The following MAPK6 variants were observed in gnomAD, a reference collection of about 807,000 sequenced individuals.
MAPK6 encodes ERK-3.
Under a neutral mutation model 59.3 loss-of-function variants are expected in MAPK6, and 19 were observed. The ratio of observed to expected loss-of-function variants is 0.32; its 90% CI spans 0.22 to 0.47. The LOEUF (loss-of-function observed/expected upper bound fraction) is 0.47, where lower values mean the gene tolerates loss of function less well. Among genes scored for constraint, MAPK6 ranks in the 20% least tolerant of loss-of-function variants. MAPK6 has a pLI of 1.00. For synonymous variants in MAPK6, 316 were observed against 290.3 expected (o/e 1.09, Z -0.90); for missense variants, 724 against 847.9 (o/e 0.85, Z 1.81).
intron 2 of MAPK6, among the ~76,000 whole-genome samples, chr15:51,997,593 T>TC (rs2057228575): frequency 1.3e-5 from 2 of 149,062 alleles, no homozygotes; most frequent in Admixed American, 6.7e-5. Context: ...TTTCTTTCTT[T>TC]TTTTTTTTTT....
intron 1 of MAPK6, among the ~76,000 whole-genome samples, chr15:51,976,266 CAAAAAAA>C (rs774556505): frequency 2.2e-5 from 1 of 45,188 alleles, no homozygotes; most frequent in African/African-American, 7.6e-5. Flanking sequence ...ACTCCCATCT[CAAAAAAA>C]AAAAAAAAAA....
At chr15:52,049,921 ATTCTTT>A (rs2031723023) in intron 2 of MAPK6, 66 bp from the exon 3 acceptor site, 1 of 1,388,094 alleles carries the variant, frequency 7.2e-7, no homozygotes, top group Admixed American at 1.8e-5. Flanking sequence ...CAAATTAAGG[ATTCTTT>A]AATCAAGTTG....
intron 1 of MAPK6, among the ~76,000 whole-genome samples, chr15:51,979,246 GGAAA>G (rs971207896): frequency 1.1e-4 from 17 of 150,218 alleles, no homozygotes; most frequent in East Asian, 3.9e-4. Flanking sequence ...AAGGAAGGAA[GGAAA>G]GAAAGAGAAA....
intron 1 of MAPK6, among the ~76,000 whole-genome samples, chr15:52,025,661 G>T (rs2030742113): frequency 2.0e-5 from 3 of 152,140 alleles, no homozygotes; most frequent in African/African-American, 7.2e-5. Context: ...AATTAGCCGG[G>T]TGGCGGGCGC....
At chr15:51,976,321 A>G (rs544406586) in intron 1 of MAPK6, among the ~76,000 whole-genome samples, 2 of 151,680 alleles carry the variant, frequency 1.3e-5, no homozygotes, top group South Asian at 4.2e-4. Context: ...GGTACTAAAA[A>G]TTGAAAGCCA....
intron 3 of MAPK6, among the ~76,000 whole-genome samples, chr15:52,051,731 G>C (rs2031789083): frequency 6.6e-6 from 1 of 152,178 alleles, no homozygotes; most frequent in East Asian, 1.9e-4. Context: ...AAAATTAGCT[G>C]GGCATGGTGG....
intron 2 of MAPK6, among the ~76,000 whole-genome samples, chr15:51,984,020 T>A (rs1486018641): frequency 6.6e-6 from 1 of 150,902 alleles, no homozygotes; most frequent in East Asian, 1.9e-4. Flanking sequence ...GAAATTGATG[T>A]TAAGAAAGTA....
chr15:52,060,486 A>G (rs1333941387), intron 4 of MAPK6, among the ~76,000 whole-genome samples: 2 of 152,208 alleles, frequency 1.3e-5, no homozygotes, highest in Non-Finnish European at 2.9e-5. Context: ...TGAATTTGTA[A>G]TGAGCCAGAT....
At chr15:51,992,451 G>A (rs189481043) in intron 2 of MAPK6, among the ~76,000 whole-genome samples, 74 of 151,808 alleles carry the variant, frequency 4.9e-4, no homozygotes, top group Admixed American at 2.4e-3. Flanking sequence ...ACAGGTGCAC[G>A]CCACCACATC....
In MAPK6 at chr15:52,063,890, G is replaced by T; in HGVS notation, c.1068-12G>T. 1 of 1,531,380 alleles carries T rather than the reference G, an allele frequency of 6.5e-7. No homozygotes were observed. Among genetic ancestry groups the T allele is most frequent in the South Asian group, 1.3e-5 (1 of 76,324 alleles). 94.9% of individuals were successfully genotyped at this position (1,531,380 alleles called of 1,614,324 possible). On this transcript the variant is annotated splice_polypyrimidine_tract_variant and intron_variant, in intron 5 of 5. Transcript: ENST00000261845. ...ATACGTAGAATAACGCTAGTGTATTGATTTTTTTCAGGTATCATGATTGTC... is the reference window on the plus strand; with the variant it reads ...ATACGTAGAATAACGCTAGTGTATTTATTTTTTTCAGGTATCATGATTGTC...
At chr15:52,010,515 T>C (rs2141830966) in intron 3 of MAPK6, among the ~76,000 whole-genome samples, 1 of 115,320 alleles carries the variant, frequency 8.7e-6, no homozygotes, top group African/African-American at 3.7e-5. Flanking sequence ...GCACCCAGCC[T>C]TTTTTTTTTT....
Position 52,046,374 on chromosome 15 carries a change from T to G in MAPK6, c.-87T>G. On this transcript the variant is annotated 5_prime_UTR_variant, in exon 2 of 6. It removes the in-frame stop codon of an upstream open reading frame in the 5' UTR. Coordinates refer to ENST00000261845, the MANE Select transcript of MAPK6 (RefSeq NM_002748.4). ...CATAATTATTTTTCTTCTCCCTTTT[T>G]GAAAGATCTTTCCTTTTGATGCCAG... 2 of 1,001,360 alleles carry G rather than the reference T, an allele frequency of 2.0e-6. No individual in the cohort carries two copies. 62.0% of individuals were successfully genotyped at this position (1,001,360 alleles called of 1,614,324 possible). A position where few individuals can be genotyped will look rare whatever the true frequency, so the allele number is the denominator to read the frequency against.
At position 52,061,450 on chromosome 15, in the gene MAPK6, T is replaced by C. The variant is rs753865376; in HGVS notation, c.1017T>C (p.Asp339=). Residue 339 remains aspartate, a synonymous_variant, in exon 5 of 6, where the codon GAT becomes GAC. Transcript: ENST00000261845. ...SHPFHIEDEV[D]DILLMDETHS... ...CTTTTCATATTGAAGATGAAGTTGA[T>C]GATATTTTGCTTATGGATGAAACTC... 6.2e-7 allele frequency: 1 copy of C among 1,613,904 alleles called. No homozygotes were observed.
At chr15:52,061,803 TTATATC>T (rs1315377248) in intron 5 of MAPK6, among the ~76,000 whole-genome samples, 1 of 152,114 alleles carries the variant, frequency 6.6e-6, no homozygotes, top group Non-Finnish European at 1.5e-5. Flanking sequence ...TCCTTAATAT[TTATATC>T]TATAAATAGC....
chr15:52,044,010 G>A (rs1323791039), intron 1 of MAPK6, among the ~76,000 whole-genome samples: 2 of 151,870 alleles, frequency 1.3e-5, no homozygotes, highest in Non-Finnish European at 2.9e-5. Flanking sequence ...TCCTGACTTC[G>A]TGATCTGCCT....
At chr15:52,033,944 CTT>C (rs952059828) in intron 1 of MAPK6, 4 of 151,554 alleles carry the variant, frequency 2.6e-5, no homozygotes, top group African/African-American at 7.3e-5. Context: ...TACTTTATCT[CTT>C]TTCCCTGGTT....
At chr15:52,031,332 TGA>T (rs974356705) in intron 1 of MAPK6, among the ~76,000 whole-genome samples, 79 of 152,342 alleles carry the variant, frequency 5.2e-4, no homozygotes, top group African/African-American at 1.8e-3. Context: ...TAAGTTACAG[TGA>T]GAGATAATGG....
upstream of MAPK6, among the ~76,000 whole-genome samples, chr15:52,018,294 G>T (rs912259094): frequency 2.0e-5 from 3 of 152,176 alleles, no homozygotes; most frequent in African/African-American, 7.2e-5. Flanking sequence ...CTCCCAAAGT[G>T]CTAGGATTAC....
At position 52,064,389 on chromosome 15, in the gene MAPK6, A is replaced by C. The variant is rs1194358278; in HGVS notation, c.1555A>C (p.Arg519=). The change falls in exon 6 of 6, where the codon AGG becomes CGG. Residue 519 remains arginine (R), a synonymous_variant. Coordinates refer to ENST00000261845, the MANE Select transcript of MAPK6 (RefSeq NM_002748.4). ...ATCACAGCAACTGGCTGGAAAAGAAAGGGAAAAGAATCAGGGATTTGATTT... is the reference window on the plus strand; with the variant it reads ...ATCACAGCAACTGGCTGGAAAAGAACGGGAAAAGAATCAGGGATTTGATTT... ...EASQQLAGKE[R]EKNQGFDFDS... is the part of the protein sequence containing the mutation. 1 of 1,611,964 alleles carries C rather than the reference A, an allele frequency of 6.2e-7. No individual in the cohort carries two copies. Among genetic ancestry groups the C allele is most frequent in the Middle Eastern group, 2.3e-4 (1 of 4,430 alleles).
Sources: allele counts gnomAD v4.1 joint callset (sites outside exome capture counted in the v4.1 genomes callset), GRCh38; gene constraint gnomAD v4.1.1; transcripts MANE v1.5; gene names NCBI Gene and HGNC (gene_info 2026-07-23, HGNC 2026-07-21).